The following CEP112 variants were observed in gnomAD, a reference collection of about 807,000 sequenced individuals.
The protein encoded by CEP112 is centrosomal protein of 112 kDa.
In CEP112, 127 loss-of-function variants were observed where a neutral mutation model predicts 153.0. The ratio of observed to expected loss-of-function variants is 0.83; its 90% CI spans 0.72 to 0.96. The LOEUF (loss-of-function observed/expected upper bound fraction) is 0.96, where lower values mean the gene tolerates loss of function less well. Among genes scored for constraint, CEP112 ranks in the 40% least tolerant of loss-of-function variants. The pLI is 0.00. For synonymous variants in CEP112, 358 were observed against 374.4 expected, an observed-to-expected ratio of 0.96 and a Z score of 0.51; for missense variants, 1,089 against 1,101.2, an observed-to-expected ratio of 0.99 and a Z score of 0.16.
chr17:65,729,875 T>C (rs1328014307), intron 23 of CEP112, among the ~76,000 whole-genome samples: 2 of 152,104 alleles, frequency 1.3e-5, no homozygotes, highest in Non-Finnish European at 2.9e-5. Flanking sequence ...ATCGTGCCAC[T>C]GCACTCCAGC....
intron 20 of CEP112, among the ~76,000 whole-genome samples, chr17:65,860,840 A>G (rs965691483): frequency 2.0e-5 from 3 of 152,240 alleles, no homozygotes; most frequent in African/African-American, 7.2e-5. Context: ...AACAGCCCCA[A>G]AGGAGAAACC....
chr17:65,900,353 A>C (rs1267474540), intron 20 of CEP112, among the ~76,000 whole-genome samples: 1 of 152,166 alleles, frequency 6.6e-6, no homozygotes, highest in Non-Finnish European at 1.5e-5. Flanking sequence ...ACAGCATTTG[A>C]GGAGGTCATA....
chr17:65,673,939 C>A (rs1285673271), intron 24 of CEP112, among the ~76,000 whole-genome samples: 1 of 152,130 alleles, frequency 6.6e-6, no homozygotes, highest in Admixed American at 6.5e-5. Context: ...TATAGTGGCA[C>A]AATCTTGGCT....
intron 9 of CEP112, among the ~76,000 whole-genome samples, chr17:66,067,343 T>C (rs902387865): frequency 6.6e-6 from 1 of 152,182 alleles, no homozygotes; most frequent in African/African-American, 2.4e-5. Context: ...TTTTGTAAAT[T>C]AGGTAGAAGT....
At chr17:65,636,062 TA>T in intron 26 of CEP112, 88 bp from the exon 27 acceptor site, 1 of 1,333,594 alleles carries the variant, frequency 7.5e-7, no homozygotes, top group Non-Finnish European at 1.1e-6. Context: ...GAGAAGTTGA[TA>T]GGGGTTGAAA....
At chr17:66,136,351 G>A (rs985319016) in intron 4 of CEP112, among the ~76,000 whole-genome samples, 2 of 152,138 alleles carry the variant, frequency 1.3e-5, no homozygotes, top group African/African-American at 2.4e-5. Flanking sequence ...GCTTTTGGAA[G>A]GGGCTGCCTA....
intron 17 of CEP112, among the ~76,000 whole-genome samples, chr17:65,969,068 T>C (rs1460060508): frequency 7.4e-6 from 1 of 134,264 alleles, no homozygotes; most frequent in African/African-American, 2.8e-5. Context: ...TTTTTTGTTT[T>C]TTTGTGTGTG....
intron 20 of CEP112, among the ~76,000 whole-genome samples, chr17:65,870,534 A>T (rs1304375666): frequency 1.3e-5 from 2 of 152,212 alleles, no homozygotes; most frequent in African/African-American, 4.8e-5. Flanking sequence ...TCTAGACTCA[A>T]ATAGAATTAT....
At chr17:66,169,078 T>C (rs2072124991) in intron 4 of CEP112, among the ~76,000 whole-genome samples, 2 of 152,126 alleles carry the variant, frequency 1.3e-5, no homozygotes. Flanking sequence ...TGCCTGATGA[T>C]GGATTACTAG....
At chr17:66,139,770 G>A (rs962791420) in intron 4 of CEP112, among the ~76,000 whole-genome samples, 4 of 152,112 alleles carry the variant, frequency 2.6e-5, no homozygotes, top group African/African-American at 9.7e-5. Flanking sequence ...CCAATAACTA[G>A]TAAGGAAACT....
chr17:66,126,971 T>G (rs2069878477), intron 6 of CEP112, among the ~76,000 whole-genome samples: 1 of 152,128 alleles, frequency 6.6e-6, no homozygotes, highest in Non-Finnish European at 1.5e-5. Context: ...AAGCAAAATC[T>G]AAGCTTTCTA....
chr17:65,850,153 CAAAAAAAAAAA>C (rs57086665), intron 21 of CEP112, among the ~76,000 whole-genome samples: 3 of 35,716 alleles, frequency 8.4e-5, no homozygotes, highest in South Asian at 1.0e-3. Flanking sequence ...GACTCTGTCT[CAAAAAAAAAAA>C]AAAAAAAAAA....
chr17:65,890,287 T>C (rs1250149544), intron 20 of CEP112, among the ~76,000 whole-genome samples: 1 of 152,216 alleles, frequency 6.6e-6, no homozygotes, highest in Non-Finnish European at 1.5e-5. Flanking sequence ...TGGAGATCAC[T>C]GGCCAAGCGG....
At chr17:65,695,160 T>C (rs1029866494) in intron 23 of CEP112, among the ~76,000 whole-genome samples, 1 of 152,196 alleles carries the variant, frequency 6.6e-6, no homozygotes, top group Non-Finnish European at 1.5e-5. Flanking sequence ...AGAAGAAAAA[T>C]GTAAACGACA....
intron 4 of CEP112, among the ~76,000 whole-genome samples, chr17:66,133,432 G>A (rs777392514): frequency 1.3e-5 from 2 of 152,116 alleles, no homozygotes; most frequent in Non-Finnish European, 2.9e-5. Flanking sequence ...AAGCATGTCA[G>A]AAACCACAGA....
At chr17:66,111,796 T>C (rs566426625) in intron 6 of CEP112, among the ~76,000 whole-genome samples, 66 of 152,212 alleles carry the variant, frequency 4.3e-4, no homozygotes, top group African/African-American at 1.5e-3. Flanking sequence ...TGTTTACCTA[T>C]GTAGCAAACC....
chr17:65,837,292 C>T (rs981026455), intron 21 of CEP112, among the ~76,000 whole-genome samples: 4 of 151,898 alleles, frequency 2.6e-5, no homozygotes, highest in Admixed American at 6.5e-5. Context: ...AGCCCCTCTG[C>T]CCGGCCGCCC....
intron 18 of CEP112, among the ~76,000 whole-genome samples, chr17:65,957,036 C>T (rs373206889): frequency 3.3e-5 from 5 of 152,032 alleles, no homozygotes; most frequent in East Asian, 1.9e-4. Flanking sequence ...CAGAGCAGGA[C>T]GGCATGAGAT....
At chr17:65,774,891 C>A (rs115542995) in intron 21 of CEP112, among the ~76,000 whole-genome samples, 1 of 152,132 alleles carries the variant, frequency 6.6e-6, no homozygotes, top group African/African-American at 2.4e-5. Context: ...AAGGGTTCAG[C>A]GAGGCTTTGG....
Sources: allele counts gnomAD v4.1 joint callset (sites outside exome capture counted in the v4.1 genomes callset), GRCh38; gene constraint gnomAD v4.1.1; transcripts MANE v1.5; gene names NCBI Gene and HGNC (gene_info 2026-07-23, HGNC 2026-07-21).